Variants in TCF20 observed in about 807,000 individuals in gnomAD.
The protein encoded by TCF20 is SPRE-binding protein.
Under a neutral mutation model 148.6 loss-of-function variants are expected in TCF20, and 3 were observed. The ratio of observed to expected loss-of-function variants is 0.02; its 90% CI spans 0.01 to 0.05. TCF20 has a LOEUF of 0.05. TCF20 is among the 10% of genes least tolerant of loss of function. The probability of loss-of-function intolerance (pLI) is 1.00; values close to 1 mark genes in which losing one functional copy is unlikely to be tolerated. For missense variants in TCF20, 2,350 were observed against 2,429.3 expected (o/e 0.97, Z 0.69); for synonymous variants, 1,049 against 909.5 (o/e 1.15, Z -2.76).
intron 1 of TCF20, among the ~76,000 whole-genome samples, chr22:42,324,150 A>G (rs867277375): frequency 0.05 from 120 of 2,414 alleles, 1 homozygote; most frequent in East Asian, 0.12. Flanking sequence ...TGGTGGTGAT[A>G]GAGGTTATGG....
At chr22:42,281,267 T>A (rs905690571) in intron 1 of TCF20, among the ~76,000 whole-genome samples, 1 of 152,176 alleles carries the variant, frequency 6.6e-6, no homozygotes, top group African/African-American at 2.4e-5. Flanking sequence ...CAAGGCAGCC[T>A]GAGAGAGGCT....
At chr22:42,294,846 G>A (rs1927201974) in intron 1 of TCF20, among the ~76,000 whole-genome samples, 1 of 152,212 alleles carries the variant, frequency 6.6e-6, no homozygotes, top group African/African-American at 2.4e-5. Flanking sequence ...CTGCAGAGGG[G>A]AATACACACC....
chr22:42,262,508 A>G (rs2146981929), intron 1 of TCF20, among the ~76,000 whole-genome samples: 1 of 152,314 alleles, frequency 6.6e-6, no homozygotes, highest in East Asian at 1.9e-4. Context: ...TCACAATACC[A>G]GTGAGATGGT....
chr22:42,251,606 G>A (rs1005893069), intron 1 of TCF20, among the ~76,000 whole-genome samples: 2 of 137,234 alleles, frequency 1.5e-5, no homozygotes, highest in Non-Finnish European at 3.0e-5. Context: ...ATGTTCAAGT[G>A]ATTCTCGTGC....
At chr22:42,236,902 C>T (rs1017149445) in intron 1 of TCF20, among the ~76,000 whole-genome samples, 1 of 152,154 alleles carries the variant, frequency 6.6e-6, no homozygotes, top group Non-Finnish European at 1.5e-5. Flanking sequence ...TTAAAAAATA[C>T]TTTATCGTTA....
intron 2 of TCF20, among the ~76,000 whole-genome samples, chr22:42,202,433 G>C (rs913084833): frequency 1.3e-5 from 2 of 152,316 alleles, no homozygotes; most frequent in Non-Finnish European, 2.9e-5. Flanking sequence ...GAAGCACAGA[G>C]GTTAAGTGAC....
At chr22:42,183,830 A>G (rs1936906134) in intron 2 of TCF20, among the ~76,000 whole-genome samples, 1 of 148,852 alleles carries the variant, frequency 6.7e-6, no homozygotes, top group Non-Finnish European at 1.5e-5. Context: ...GTGCAATGGC[A>G]TGATCTCGGC....
chr22:42,265,665 G>A (rs116434364), intron 1 of TCF20, among the ~76,000 whole-genome samples: 2,121 of 152,266 alleles, frequency 0.014, 44 homozygotes, highest in African/African-American at 0.048. Flanking sequence ...GTACTAAGGT[G>A]CCTTGAACAC....
At chr22:42,339,563 G>A (rs920808750) in intron 1 of TCF20, among the ~76,000 whole-genome samples, 9 of 152,206 alleles carry the variant, frequency 5.9e-5, no homozygotes, top group Admixed American at 4.6e-4. Context: ...CCACAAAAAC[G>A]GCGCTCACTC....
intron 3 of TCF20, among the ~76,000 whole-genome samples, chr22:42,179,107 C>T (rs1936621283): frequency 1.3e-5 from 2 of 150,226 alleles, no homozygotes; most frequent in African/African-American, 4.9e-5. Flanking sequence ...GGAGAACACT[C>T]ATGCACTGCC....
At position 42,160,962 on chromosome 22, in the gene TCF20, T is replaced by G. The variant is rs1449506383; in HGVS notation, c.*441A>C. 1 of 171,242 alleles carries G rather than the reference T, an allele frequency of 5.8e-6. No individual in the cohort carries two copies. 10.6% of individuals were successfully genotyped at this position (171,242 alleles called of 1,614,324 possible). The stretch of plus-strand genomic sequence containing the variant: ...AATTTCACTTGTCATCGGAACAAAT[T>G]TGGAGATCTTTAACGAGATAATTTT... On this transcript the variant is annotated 3_prime_UTR_variant, in exon 6 of 6. Coordinates refer to ENST00000677622, the MANE Select transcript of TCF20 (RefSeq NM_001378418.1).
intron 1 of TCF20, among the ~76,000 whole-genome samples, chr22:42,280,584 T>C (rs891017672): frequency 6.6e-6 from 1 of 152,186 alleles, no homozygotes; most frequent in Non-Finnish European, 1.5e-5. Context: ...ATTAAGCTAA[T>C]ACATAGTTAG....
chr22:42,333,214 C>G (rs963982701), intron 1 of TCF20, among the ~76,000 whole-genome samples: 6 of 151,828 alleles, frequency 4.0e-5, no homozygotes, highest in African/African-American at 1.5e-4. Flanking sequence ...GGAGCTGCCT[C>G]GCTGTGCAGA....
In TCF20 at chr22:42,212,583, A is replaced by C. The variant is rs1395354355; in HGVS notation, c.2723T>G (p.Val908Gly). The C allele has an allele frequency of 6.2e-7, 1 of 1,614,082 alleles. No homozygotes were observed. The highest frequency in any genetic ancestry group is 8.5e-7 in the Non-Finnish European group (1 of 1,179,936). ...GGACACCAAACCACCAGGAAGAATG[A>C]CCGACTGACTTAAAGTTGGATTGAG... ...DRLNPTLSQSVILPGGLVSME... is the reference protein window; with the variant it reads ...DRLNPTLSQSGILPGGLVSME... Residue 908 changes from valine to glycine, a missense_variant, in exon 2 of 6, where the codon GTC becomes GGC. By Grantham distance (109) the Val-to-Gly change is moderately radical. Coordinates refer to ENST00000677622, the MANE Select transcript of TCF20 (RefSeq NM_001378418.1).
chr22:42,223,190 A>G (rs754162652), intron 1 of TCF20, among the ~76,000 whole-genome samples: 3 of 152,170 alleles, frequency 2.0e-5, no homozygotes, highest in Non-Finnish European at 2.9e-5. Flanking sequence ...AGCAATCTAT[A>G]TATGTTAGTC....
At chr22:42,216,078 C>CTTT (rs1569156309) in intron 1 of TCF20, among the ~76,000 whole-genome samples, 9 of 53,782 alleles carry the variant, frequency 1.7e-4, no homozygotes, top group African/African-American at 7.4e-4. Context: ...AAAACCAAAT[C>CTTT]CTTTTTTTTT....
upstream of TCF20, among the ~76,000 whole-genome samples, chr22:42,286,924 C>A (rs1927042907): frequency 6.6e-6 from 1 of 152,128 alleles, no homozygotes; most frequent in Admixed American, 6.6e-5. Context: ...CTCACAAACA[C>A]CCTAACATGA....
rs556315406 is a variant in TCF20 at position 42,213,578 on chromosome 22, G to A, written c.1728C>T (p.Ala576=). The A allele has an allele frequency of 1.5e-5, 24 of 1,614,100 alleles. No individual in the cohort carries two copies. Among genetic ancestry groups the A allele is most frequent in the East Asian group, 2.2e-5 (1 of 44,874 alleles). The stretch of plus-strand genomic sequence containing the variant: ...CTGGTGAGGTGGCCTCTTCTCTTGC[G>A]GCAGGACTAGCATTGAGTCTGGGGG... ...NEPPRLNASP[A]AREEATSPGA... The change falls in exon 2 of 6, where the codon GCC becomes GCT. Residue 576 remains alanine (A), a synonymous_variant. Transcript: ENST00000677622.
rs1928083455 is a variant in TCF20 at position 42,337,271 on chromosome 22, C to T, written c.-37+6208G>A. Reference sequence around the variant, plus strand: ...CCACTCCTCTCCCCCTTATCCTCTCCCTGGCACCTCCTCTGACCTGCCCAA... The same window carrying T: ...CCACTCCTCTCCCCCTTATCCTCTCTCTGGCACCTCCTCTGACCTGCCCAA... On this transcript the variant is annotated intron_variant, in intron 1 of 1. Coordinates refer to the TCF20 transcript ENST00000515426. Among the ~76,000 whole-genome samples the T allele has an allele frequency of 1.3e-5, 2 of 152,080 alleles. 1 individual carries two copies. The highest frequency in any genetic ancestry group is 4.2e-4 in the South Asian group (2 of 4,816).
Sources: gnomAD v4.1 joint callset for allele counts (sites outside exome capture counted in the v4.1 genomes callset) on GRCh38, gnomAD v4.1.1 for gene constraint, MANE v1.5 for transcripts, NCBI Gene and HGNC (gene_info 2026-07-23, HGNC 2026-07-21) for gene names.